The following DOCK4 variants were observed in gnomAD, a reference collection of about 807,000 sequenced individuals.
DOCK4 encodes dedicator of cytokinesis 4, also known as dedicator of cytokinesis protein 4.
In DOCK4, 97 loss-of-function variants were observed where a neutral mutation model predicts 268.1. The observed-to-expected ratio is 0.36, with a 90% confidence interval of 0.31 to 0.43. The LOEUF is 0.43. Ranked by LOEUF, DOCK4 falls within the 20% of genes least tolerant of loss-of-function variation. The pLI is 1.00. For missense variants in DOCK4, 2,145 were observed against 2,455.7 expected (o/e 0.87, Z 2.67); for synonymous variants, 954 against 887.2 (o/e 1.08, Z -1.34).
chr7:112,065,931 C>G (rs1489182233), intron 1 of DOCK4, among the ~76,000 whole-genome samples: 1 of 152,112 alleles, frequency 6.6e-6, no homozygotes, highest in East Asian at 1.9e-4. Context: ...AAGGGAGGGC[C>G]ATGGCATTAC....
intron 23 of DOCK4, among the ~76,000 whole-genome samples, chr7:111,856,094 G>A (rs969668189): frequency 3.9e-5 from 6 of 152,240 alleles, no homozygotes; most frequent in Admixed American, 3.3e-4. Context: ...TGCAAGCCAC[G>A]GCAGCTGCCT....
At chr7:111,894,411 G>T (rs1808564498) in intron 16 of DOCK4, among the ~76,000 whole-genome samples, 1 of 152,070 alleles carries the variant, frequency 6.6e-6, no homozygotes, top group African/African-American at 2.4e-5. Context: ...AAATCTAATG[G>T]GGCAAGCTGA....
At chr7:112,186,678 A>T (rs1257063766) in intron 1 of DOCK4, among the ~76,000 whole-genome samples, 1 of 152,228 alleles carries the variant, frequency 6.6e-6, no homozygotes, top group Non-Finnish European at 1.5e-5. Context: ...CTGAGGCAGA[A>T]ATGGAAATTA....
intron 1 of DOCK4, among the ~76,000 whole-genome samples, chr7:112,018,672 A>C (rs1802068096): frequency 6.6e-6 from 1 of 152,134 alleles, no homozygotes; most frequent in African/African-American, 2.4e-5. Flanking sequence ...ACTTGAAAAA[A>C]ATACTCCCTA....
Position 112,036,714 on chromosome 7 carries a change from G to A in DOCK4, c.38-32583C>T, listed in dbSNP as rs554540395. On this transcript the variant is annotated intron_variant, in intron 1 of 52. Transcript: ENST00000428084. ...CTCGCTCCATCGCCCAGGCTGGAGT[G>A]CAGTGGCATGATCTCTACCCACTGC... 8.9e-5 allele frequency among the ~76,000 whole-genome samples: 13 copies of A among 146,304 alleles called. No homozygotes were observed. In the South Asian group the frequency reaches 2.2e-3, roughly 24 times the overall value.
At chr7:111,786,690 T>A (rs1799194311) in intron 32 of DOCK4, among the ~76,000 whole-genome samples, 1 of 152,184 alleles carries the variant, frequency 6.6e-6, no homozygotes, top group Non-Finnish European at 1.5e-5. Context: ...TAGACATGAA[T>A]TACACGTAAC....
intron 1 of DOCK4, among the ~76,000 whole-genome samples, chr7:112,127,476 GGTGCAGCACAC>G (rs1813342430): frequency 6.7e-6 from 1 of 149,622 alleles, no homozygotes; most frequent in African/African-American, 2.5e-5. Flanking sequence ...CAAGTTAATG[GGTGCAGCACAC>G]CAGCATGGCA....
intron 1 of DOCK4, among the ~76,000 whole-genome samples, chr7:112,047,267 T>G (rs7780545): frequency 0.021 from 3,220 of 152,232 alleles, 111 homozygotes; most frequent in African/African-American, 0.073. Context: ...AGAAGGAAGG[T>G]TAAGAGTATT....
Position 112,025,584 on chromosome 7 carries a change from G to A in DOCK4, c.38-21453C>T, listed in dbSNP as rs549565278. On this transcript the variant is annotated intron_variant, in intron 1 of 52. Transcript: ENST00000428084. ...CTGATTCCTCCTCCATTCAGGTGCC[G>A]GTATGACCTATCCAAACGAAGTCAA... Among the ~76,000 whole-genome samples, 15 of 151,882 alleles carry A rather than the reference G, an allele frequency of 9.9e-5. 1 individual carries two copies. Among genetic ancestry groups the A allele is most frequent in the Non-Finnish European group, 1.5e-4 (10 of 68,010 alleles).
chr7:112,156,687 A>C (rs944249170), intron 1 of DOCK4, among the ~76,000 whole-genome samples: 3 of 152,236 alleles, frequency 2.0e-5, no homozygotes, highest in Non-Finnish European at 4.4e-5. Flanking sequence ...AATGTCAAAT[A>C]GATGAAGTTC....
chr7:111,805,313 G>A (rs1412875859), intron 30 of DOCK4, among the ~76,000 whole-genome samples: 1 of 152,060 alleles, frequency 6.6e-6, no homozygotes, highest in Non-Finnish European at 1.5e-5. Context: ...GTTAGAACTC[G>A]CTTCCTCCAG....
intron 1 of DOCK4, among the ~76,000 whole-genome samples, chr7:112,064,863 T>C (rs1038202102): frequency 6.6e-6 from 1 of 152,128 alleles, no homozygotes; most frequent in Non-Finnish European, 1.5e-5. Context: ...ATCAGGGGCA[T>C]ATGTACACAG....
chr7:111,859,562 A>T (rs945992245), intron 23 of DOCK4, among the ~76,000 whole-genome samples: 43 of 102,180 alleles, frequency 4.2e-4, no homozygotes, highest in African/African-American at 1.9e-3. Flanking sequence ...GTGTGTGTTA[A>T]TTTTTTTTTT....
intron 1 of DOCK4, among the ~76,000 whole-genome samples, chr7:112,192,264 A>G (rs1252573521): frequency 6.6e-6 from 1 of 150,970 alleles, no homozygotes; most frequent in Non-Finnish European, 1.5e-5. Flanking sequence ...GACAGGAATA[A>G]GAGGGGACAA....
chr7:111,728,774 A>C, intron 52 of DOCK4, 54 bp from the exon 53 acceptor site: 1 of 1,505,942 alleles, frequency 6.6e-7, no homozygotes, highest in South Asian at 1.3e-5. Context: ...TCGTGAACGC[A>C]GATGCGCTGA....
chr7:112,102,429 C>T (rs1419155213), intron 1 of DOCK4, among the ~76,000 whole-genome samples: 1 of 152,052 alleles, frequency 6.6e-6, no homozygotes, highest in Non-Finnish European at 1.5e-5. Flanking sequence ...AAAGGTACCA[C>T]GATGAACTGA....
intron 46 of DOCK4, 113 bp downstream of exon 46, chr7:111,741,427 A>G (rs1412339603): frequency 1.3e-5 from 20 of 1,481,916 alleles, no homozygotes; most frequent in Non-Finnish European, 1.7e-5. Context: ...CGGGTTAGTT[A>G]TTTCATTAAG....
At chr7:112,051,704 A>C (rs1181422118) in intron 1 of DOCK4, among the ~76,000 whole-genome samples, 1 of 151,660 alleles carries the variant, frequency 6.6e-6, no homozygotes, top group Non-Finnish European at 1.5e-5. Context: ...GAAGGGAAGA[A>C]CCTTTGGAGC....
At chr7:111,756,733 T>C (rs1231881717) in intron 41 of DOCK4, among the ~76,000 whole-genome samples, 1 of 151,506 alleles carries the variant, frequency 6.6e-6, no homozygotes, top group Non-Finnish European at 1.5e-5. Context: ...ATTCCTGAAA[T>C]AGTGCCATTT....
Sources: allele counts gnomAD v4.1 joint callset (sites outside exome capture counted in the v4.1 genomes callset), GRCh38; gene constraint gnomAD v4.1.1; transcripts MANE v1.5; gene names NCBI Gene and HGNC (gene_info 2026-07-23, HGNC 2026-07-21).